CMTM4: variants seen among roughly 807,000 people sequenced by gnomAD.
CMTM4 encodes CKLF-like MARVEL transmembrane domain-containing protein 4.
CMTM4 carries 8 observed loss-of-function variants against 19.0 expected under a neutral mutation model. The observed-to-expected ratio is 0.42, with a 90% confidence interval of 0.25 to 0.76. CMTM4 has a LOEUF of 0.76. CMTM4 is among the 30% of genes least tolerant of loss of function. CMTM4 has a pLI of 0.27. For synonymous variants in CMTM4, 106 were observed against 121.1 expected, an observed-to-expected ratio of 0.88 and a Z score of 0.82; for missense variants, 228 against 290.2, an observed-to-expected ratio of 0.79 and a Z score of 1.56.
At chr16:66,611,520 C>A (rs969866884), downstream of CMTM4, among the ~76,000 whole-genome samples, 2 of 152,142 alleles carry the variant, frequency 1.3e-5, no homozygotes, top group African/African-American at 4.8e-5. Context: ...GAGTGAGGGA[C>A]AGAGCTGGGG....
chr16:66,669,517 G>A (rs2016663835), intron 1 of CMTM4, among the ~76,000 whole-genome samples: 1 of 149,468 alleles, frequency 6.7e-6, no homozygotes, highest in African/African-American at 2.5e-5. Flanking sequence ...TCCTTGGCAT[G>A]TGCCCAAACC....
intron 1 of CMTM4, among the ~76,000 whole-genome samples, chr16:66,683,176 C>CATATATATATATACAT (rs71378404): frequency 1.9e-5 from 2 of 106,048 alleles, no homozygotes; most frequent in South Asian, 3.3e-4. Context: ...TATATATATA[C>CATATATATATATACAT]ATATGTATAT....
chr16:66,648,623 A>G (rs982409523), intron 1 of CMTM4, among the ~76,000 whole-genome samples: 2 of 151,732 alleles, frequency 1.3e-5, no homozygotes, highest in Admixed American at 1.3e-4. Context: ...ACGCCATTGC[A>G]CTCCGGCCTG....
chr16:66,611,870 G>A (rs1482839725), downstream of CMTM4, among the ~76,000 whole-genome samples: 3 of 151,932 alleles, frequency 2.0e-5, no homozygotes, highest in Non-Finnish European at 4.4e-5. Context: ...ATATAAAATG[G>A]CTAAAAAGAG....
chr16:66,635,636 C>A (rs746911914), intron 2 of CMTM4, among the ~76,000 whole-genome samples: 1 of 152,234 alleles, frequency 6.6e-6, no homozygotes, highest in Non-Finnish European at 1.5e-5. Context: ...GAGGTGCCCA[C>A]GGCGTTCTCA....
intron 1 of CMTM4, among the ~76,000 whole-genome samples, chr16:66,647,764 TG>T (rs1161508867): frequency 6.6e-6 from 1 of 152,116 alleles, no homozygotes; most frequent in African/African-American, 2.4e-5. Context: ...CTCAAACTCC[TG>T]GCTCAAGAGA....
At chr16:66,660,384 T>C (rs1164338521) in intron 1 of CMTM4, among the ~76,000 whole-genome samples, 52 of 62,502 alleles carry the variant, frequency 8.3e-4, no homozygotes, top group African/African-American at 3.3e-3. Context: ...TGAGATCCTG[T>C]CTCAAAAAAA....
intron 1 of CMTM4, among the ~76,000 whole-genome samples, chr16:66,643,751 T>TTTA (rs914165599): frequency 6.6e-6 from 1 of 151,892 alleles, no homozygotes; most frequent in Non-Finnish European, 1.5e-5. Context: ...ACTTCTTATT[T>TTTA]TTATTATTAT....
At chr16:66,633,817 CAAAAA>C (rs1388711559) in intron 2 of CMTM4, among the ~76,000 whole-genome samples, 1 of 103,750 alleles carries the variant, frequency 9.6e-6, no homozygotes, top group Non-Finnish European at 2.0e-5. Context: ...GACCCCATCT[CAAAAA>C]AAAAAAAAAA....
chr16:66,687,146 T>TC lies in CMTM4; in HGVS notation c.186+9193_186+9194insG, dbSNP rs1374282551. On this transcript the variant is annotated intron_variant, in intron 1 of 3. Coordinates refer to ENST00000394106, the MANE Select transcript of CMTM4 (RefSeq NM_181521.3). ...CACTATTGTGCAGAATGCTTTTTTTTTTTTTTTTTTTACAGAAAAGTGCAT... is the reference window on the plus strand; with the variant it reads ...CACTATTGTGCAGAATGCTTTTTTTTCTTTTTTTTTTTACAGAAAAGTGCAT... 5.3e-5 allele frequency among the ~76,000 whole-genome samples: 8 copies of TC among 151,968 alleles called. No individual in the cohort carries two copies. The East Asian group carries it at 1.5e-3, about 29-fold the overall frequency.
the CMTM4 span, chr16:66,605,060 C>A: frequency 2.0e-6 from 2 of 1,021,908 alleles, no homozygotes; most frequent in Non-Finnish European, 2.6e-6. This position sits in a 1 kb window ranked among gnomAD's most constrained non-coding sequence, Gnocchi z 4.6. Flanking sequence ...TGCTCCGATA[C>A]CCCCTCTCCG....
At chr16:66,681,593 C>T (rs1272659448) in intron 1 of CMTM4, among the ~76,000 whole-genome samples, 6 of 152,106 alleles carry the variant, frequency 3.9e-5, no homozygotes, top group East Asian at 1.9e-4. Context: ...CGTGAGCCAC[C>T]GCGCCCAGCC....
chr16:66,694,368 G>A (rs1249897316), intron 1 of CMTM4, among the ~76,000 whole-genome samples: 5 of 151,996 alleles, frequency 3.3e-5, no homozygotes, highest in Admixed American at 6.6e-5. Context: ...TTATCTGTAC[G>A]GGCTGCTGGC....
chr16:66,686,042 C>T (rs2017024555), intron 1 of CMTM4, among the ~76,000 whole-genome samples: 1 of 152,072 alleles, frequency 6.6e-6, no homozygotes, highest in Non-Finnish European at 1.5e-5. Context: ...ATCACGAGGT[C>T]AAGAGATCAA....
chr16:66,685,805 G>A lies in CMTM4; in HGVS notation c.186+10535C>T, dbSNP rs1009905477. On this transcript the variant is annotated intron_variant, in intron 1 of 3. Coordinates refer to ENST00000394106, the MANE Select transcript of CMTM4 (RefSeq NM_181521.3). Reference sequence around the variant, plus strand: ...ACTACAGGCATAGGCCACCACACCCGGATAATTTTTTGTATTTTTAGTAGA... The same window carrying A: ...ACTACAGGCATAGGCCACCACACCCAGATAATTTTTTGTATTTTTAGTAGA... Among the ~76,000 whole-genome samples the A allele has an allele frequency of 4.6e-5, 7 of 151,792 alleles. No homozygotes were observed. In the East Asian group the frequency reaches 9.8e-4, roughly 21 times the overall value.
chr16:66,641,054 G>A (rs1444236923), intron 1 of CMTM4, among the ~76,000 whole-genome samples: 1 of 152,152 alleles, frequency 6.6e-6, no homozygotes, highest in Non-Finnish European at 1.5e-5. Context: ...ATTCTTGTTT[G>A]TTTGCTTTTT....
intron 1 of CMTM4, among the ~76,000 whole-genome samples, chr16:66,674,200 C>A (rs191870657): frequency 6.6e-5 from 10 of 152,206 alleles, no homozygotes; most frequent in African/African-American, 2.4e-4. Context: ...ACAGGCTGCA[C>A]TTGACCAGAT....
intron 1 of CMTM4, among the ~76,000 whole-genome samples, chr16:66,683,176 CATATGTATAT>C (rs2016962629): frequency 9.4e-6 from 1 of 106,048 alleles, no homozygotes; most frequent in African/African-American, 3.8e-5. Context: ...TATATATATA[CATATGTATAT>C]ATATATACAT....
chr16:66,665,796 T>C (rs946316828), intron 1 of CMTM4, among the ~76,000 whole-genome samples: 15 of 149,880 alleles, frequency 1.0e-4, no homozygotes, highest in African/African-American at 3.7e-4. Context: ...AGGCCAGGCA[T>C]GGTGGCTCAT....
Sources: gnomAD v4.1 joint callset for allele counts (sites outside exome capture counted in the v4.1 genomes callset) on GRCh38, gnomAD v4.1.1 for gene constraint, Gnocchi (gnomAD v3.1) non-coding constraint, MANE v1.5 for transcripts, NCBI Gene and HGNC (gene_info 2026-07-23, HGNC 2026-07-21) for gene names.